Variants in PXN observed in about 807,000 individuals in gnomAD.
PXN encodes the protein paxillin, also known as testicular tissue protein Li 134.
A neutral mutation model predicts 103.6 loss-of-function variants in PXN; 61 were observed. That is an observed-to-expected ratio of 0.59 (90% CI 0.48 to 0.73). PXN has a LOEUF of 0.73. Among genes scored for constraint, PXN ranks in the 30% least tolerant of loss-of-function variants. The probability of loss-of-function intolerance (pLI) is 0.00; values close to 1 mark genes in which losing one functional copy is unlikely to be tolerated. For synonymous variants in PXN, 562 were observed against 607.8 expected (o/e 0.92, Z 1.11); for missense variants, 1,274 against 1,460.3 (o/e 0.87, Z 2.08).
rs981933247 is a variant in PXN at position 120,228,415 on chromosome 12, C to G, written c.14-4038G>C. On this transcript the variant is annotated intron_variant, in intron 1 of 14. Transcript: ENST00000637617. The surrounding 1 kb of genome is among the most constrained non-coding windows in gnomAD (Gnocchi z 4.7). ...AGGCTGTCTCGAGGCTGAGGGCAGG[C>G]TAGGTGCAAAGTCCCCAGCGAGCCA... Among the ~76,000 whole-genome samples, 12 of 152,192 alleles carry G rather than the reference C, an allele frequency of 7.9e-5. No homozygotes were observed. Among genetic ancestry groups the G allele is most frequent in the African/African-American group, 2.7e-4 (11 of 41,452 alleles).
chr12:120,258,616 T>C (rs376956227), intron 1 of PXN, among the ~76,000 whole-genome samples: 62 of 152,350 alleles, frequency 4.1e-4, no homozygotes, highest in Middle Eastern at 3.4e-3. Flanking sequence ...CTTTTCATTA[T>C]AAAAATGTCT....
intron 3 of PXN, among the ~76,000 whole-genome samples, chr12:120,223,301 G>A (rs1885785053): frequency 6.6e-6 from 1 of 152,134 alleles, no homozygotes; most frequent in Non-Finnish European, 1.5e-5. Flanking sequence ...AGGCGTGGTG[G>A]TGGGTGCCTG....
Position 120,222,563 on chromosome 12 carries a change from G to A in PXN, c.681C>T (p.Ser227=), listed in dbSNP as rs769508330. The A allele has an allele frequency of 8.1e-6, 13 of 1,601,162 alleles. No individual in the cohort carries two copies. The highest frequency in any genetic ancestry group is 2.7e-5 in the African/African-American group (2 of 74,764). The change falls in exon 5 of 15, where the codon TCC becomes TCT. Residue 227 remains serine, a synonymous_variant. Transcript: ENST00000637617. This position sits in a 1 kb window ranked among gnomAD's most constrained non-coding sequence, Gnocchi z 4.7. ...TGGGTACTCACACGGGGCTGGGCACGGAGCTCTCCAGTTCATCCAAGAGAC... is the reference window on the plus strand; with the variant it reads ...TGGGTACTCACACGGGGCTGGGCACAGAGCTCTCCAGTTCATCCAAGAGAC... The part of the protein sequence containing the change: ...VESLLDELES[S]VPSPVPAITV...
rs574727803 is a variant in PXN at position 120,257,967 on chromosome 12, C to A, written c.13+7650G>T. ...CAGCACTTTGGGAGGCCAAGGCGGG[C>A]GGATCACCTGAGGTCAGGAGTTCGA... On this transcript the variant is annotated intron_variant, in intron 1 of 14. Transcript: ENST00000637617. Among the ~76,000 whole-genome samples, 3 of 152,186 alleles carry A rather than the reference C, an allele frequency of 2.0e-5. No homozygotes were observed. In the South Asian group the frequency reaches 6.2e-4, roughly 32 times the overall value.
Position 120,246,514 on chromosome 12 carries a change from CAA to C in PXN, c.13+19101_13+19102del, listed in dbSNP as rs139689226. ...TGGGGGACAGAGAAAGACTCTGTCTCAAAAAAAAAAAAAAAAAAAGAAAAAAG... is the reference window on the plus strand; with the variant it reads ...TGGGGGACAGAGAAAGACTCTGTCTCAAAAAAAAAAAAAAAAAGAAAAAAG... On this transcript the variant is annotated intron_variant, in intron 1 of 14. Coordinates refer to ENST00000637617, the MANE Select transcript of PXN (RefSeq NM_001385981.1). Among the ~76,000 whole-genome samples, 112 of 58,312 alleles carry C rather than the reference CAA, an allele frequency of 1.9e-3. 2 individuals carry two copies. In the South Asian group the frequency reaches 0.053, roughly 28 times the overall value. 38.3% of individuals were successfully genotyped at this position (58,312 alleles called of 152,430 possible).
Position 120,215,871 on chromosome 12 carries a change from C to T in PXN, c.2302-210G>A, listed in dbSNP as rs1187588720. 97 of 1,323,548 alleles carry T rather than the reference C, an allele frequency of 7.3e-5. No individual in the cohort carries two copies. The East Asian group carries it at 2.0e-3, about 27-fold the overall frequency. The allele number at this position is 1,323,548 out of a possible 1,614,324, so 82.0% of individuals were successfully genotyped here. A position where few individuals can be genotyped will look rare whatever the true frequency, so the allele number is the denominator to read the frequency against. ...AAGGAAGAAGGACAGGGAGGGGAGT[C>T]GACCAAAGGCAGAGGAAATGGCAAG... On this transcript the variant is annotated intron_variant, in intron 9 of 14. Coordinates refer to ENST00000637617, the MANE Select transcript of PXN (RefSeq NM_001385981.1). The surrounding 1 kb of genome is among the most constrained non-coding windows in gnomAD (Gnocchi z 4.9).
intron 1 of PXN, among the ~76,000 whole-genome samples, chr12:120,260,639 C>A (rs1374115478): frequency 6.6e-6 from 1 of 152,110 alleles, no homozygotes; most frequent in East Asian, 1.9e-4. Context: ...AACCAATGGG[C>A]AACCCATATC....
At chr12:120,234,394 G>A (rs1888636350) in intron 1 of PXN, among the ~76,000 whole-genome samples, 1 of 152,134 alleles carries the variant, frequency 6.6e-6, no homozygotes, top group East Asian at 1.9e-4. Flanking sequence ...GGGCGACAGA[G>A]TAAGACTCTG....
At chr12:120,261,254 G>A (rs1198971268) in intron 1 of PXN, among the ~76,000 whole-genome samples, 1 of 152,130 alleles carries the variant, frequency 6.6e-6, no homozygotes, top group Admixed American at 6.6e-5. Flanking sequence ...GCAGTGATGC[G>A]ATCTCGGCTT....
At position 120,214,966 on chromosome 12, in the gene PXN, G is replaced by T; in HGVS notation, c.2607C>A (p.Pro869=). The change falls in exon 12 of 15, where the codon CCC becomes CCA. Residue 869 remains proline (P), a synonymous_variant. Coordinates refer to ENST00000637617, the MANE Select transcript of PXN (RefSeq NM_001385981.1). This position sits in a 1 kb window ranked among gnomAD's most constrained non-coding sequence, Gnocchi z 5.0. The part of the protein sequence containing the change: ...VVTAMGKTWH[P]EHFVCTHCQE... The stretch of plus-strand genomic sequence containing the variant: ...GGCAGTGGGTGCAGACGAAGTGCTC[G>T]GGGTGCCACGTCTTCCCCATGGCGG... 6.2e-7 allele frequency: 1 copy of T among 1,613,744 alleles called. No homozygotes were observed.
intron 1 of PXN, among the ~76,000 whole-genome samples, chr12:120,230,777 G>C (rs534998486): frequency 6.6e-6 from 1 of 151,994 alleles, no homozygotes; most frequent in Non-Finnish European, 1.5e-5. Context: ...CCTGATAACC[G>C]TCTGTCCTCA....
chr12:120,218,835 GA>G (rs2136241049), intron 7 of PXN, among the ~76,000 whole-genome samples: 1 of 152,354 alleles, frequency 6.6e-6, no homozygotes, highest in East Asian at 1.9e-4. Flanking sequence ...TTACAGATGA[GA>G]AAACTGAGGC....
At chr12:120,231,342 G>C (rs192400403) in intron 1 of PXN, among the ~76,000 whole-genome samples, 1 of 152,212 alleles carries the variant, frequency 6.6e-6, no homozygotes, top group African/African-American at 2.4e-5. Context: ...TCTGCTAAGA[G>C]GATGGATGAG....
intron 1 of PXN, among the ~76,000 whole-genome samples, chr12:120,257,557 G>A (rs552028834): frequency 1.3e-5 from 2 of 152,132 alleles, no homozygotes; most frequent in Admixed American, 6.5e-5. Flanking sequence ...TAGGCACCAG[G>A]GCCCTCACCT....
chr12:120,262,713 G>A (rs1020678217), intron 1 of PXN, among the ~76,000 whole-genome samples: 17 of 152,308 alleles, frequency 1.1e-4, no homozygotes, highest in Admixed American at 1.0e-3. Flanking sequence ...GGAAGAGCAA[G>A]CAATCGGGTT....
At position 120,240,843 on chromosome 12, in the gene PXN, G is replaced by A. The variant is rs1268356485; in HGVS notation, c.14-16466C>T. Among the ~76,000 whole-genome samples, 16 of 152,244 alleles carry A rather than the reference G, an allele frequency of 1.1e-4. No individual in the cohort carries two copies. The East Asian group carries it at 3.1e-3, about 29-fold the overall frequency. ...TGACTCCAGAGGCCCTGAGTGTCAG[G>A]CATAACAGTGCCCACCCACTCAGGG... On this transcript the variant is annotated intron_variant, in intron 1 of 14. Transcript: ENST00000637617.
rs779404185 is a variant in PXN at position 120,213,848 on chromosome 12, C to T, written c.2973G>A (p.Val991=). 3 of 1,610,922 alleles carry T rather than the reference C, an allele frequency of 1.9e-6. No individual in the cohort carries two copies. The Admixed American group carries it at 5.0e-5, about 27-fold the overall frequency. ...GTGGTCAGGGGCTCCTTACCCGGCACACAAAGCACTCAGGATGCCACAGCG... is the reference window on the plus strand; with the variant it reads ...GTGGTCAGGGGCTCCTTACCCGGCATACAAAGCACTCAGGATGCCACAGCG... The part of the protein sequence containing the change: ...LNTLWHPECF[V]CRECFTPFVN... The change falls in exon 14 of 15, where the codon GTG becomes GTA. Residue 991 remains valine (V), a synonymous_variant. Transcript: ENST00000637617. This position sits in a 1 kb window ranked among gnomAD's most constrained non-coding sequence, Gnocchi z 4.2.
intron 1 of PXN, among the ~76,000 whole-genome samples, chr12:120,240,495 G>A (rs1594471813): frequency 6.6e-6 from 1 of 152,300 alleles, no homozygotes; most frequent in East Asian, 1.9e-4. Context: ...CTAAAAAGCT[G>A]AGAGGCTTTG....
intron 1 of PXN, among the ~76,000 whole-genome samples, chr12:120,260,786 T>C (rs1007721079): frequency 6.6e-6 from 1 of 152,110 alleles, no homozygotes; most frequent in Non-Finnish European, 1.5e-5. Flanking sequence ...GGAAACATGG[T>C]GAAACCCTGT....
Sources: gnomAD v4.1 joint callset for allele counts (sites outside exome capture counted in the v4.1 genomes callset) on GRCh38, gnomAD v4.1.1 for gene constraint, Gnocchi (gnomAD v3.1) non-coding constraint, MANE v1.5 for transcripts, NCBI Gene and HGNC (gene_info 2026-07-23, HGNC 2026-07-21) for gene names.